Variants in FGF12 observed in about 807,000 individuals in gnomAD.
The protein encoded by FGF12 is fibroblast growth factor 12B.
Under a neutral mutation model 23.6 loss-of-function variants are expected in FGF12, and 14 were observed. The ratio of observed to expected loss-of-function variants is 0.59; its 90% CI spans 0.39 to 0.93. The LOEUF (loss-of-function observed/expected upper bound fraction) is 0.93. Among genes scored for constraint, FGF12 ranks in the 40% least tolerant of loss-of-function variants. FGF12 has a pLI of 0.00. For missense variants in FGF12, 175 were observed against 217.8 expected, an observed-to-expected ratio of 0.80 and a Z score of 1.24; for synonymous variants, 62 against 77.3, an observed-to-expected ratio of 0.80 and a Z score of 1.04.
intron 2 of FGF12, among the ~76,000 whole-genome samples, chr3:192,380,547 C>T (rs560563940): frequency 6.6e-6 from 1 of 152,194 alleles, no homozygotes; most frequent in South Asian, 2.1e-4. Context: ...ATGCTCTACA[C>T]CATAAAACAC....
Position 192,215,321 on chromosome 3 carries a change from G to C in FGF12, c.229-44665C>G, listed in dbSNP as rs541699644. On this transcript the variant is annotated intron_variant, in intron 4 of 5. Coordinates refer to ENST00000445105, the MANE Select transcript of FGF12 (RefSeq NM_004113.6). The stretch of plus-strand genomic sequence containing the variant: ...CTGAGCCAATGAAGAAGGGAGAGAG[G>C]AGAAATACTTGGTACTCATCACCCA... Among the ~76,000 whole-genome samples, 4 of 152,246 alleles carry C rather than the reference G, an allele frequency of 2.6e-5. No individual in the cohort carries two copies. The South Asian group carries it at 8.3e-4, about 32-fold the overall frequency.
At chr3:192,195,249 C>T (rs913136693) in intron 4 of FGF12, among the ~76,000 whole-genome samples, 1 of 152,096 alleles carries the variant, frequency 6.6e-6, no homozygotes, top group African/African-American at 2.4e-5. Flanking sequence ...AAAGTCGTTA[C>T]CATTTAAATG....
intron 2 of FGF12, among the ~76,000 whole-genome samples, chr3:192,646,293 G>A (rs1048326495): frequency 3.9e-5 from 6 of 152,158 alleles, no homozygotes; most frequent in Middle Eastern, 6.8e-3. Flanking sequence ...GGGAAGTAAA[G>A]CCTACAAAAG....
intron 2 of FGF12, among the ~76,000 whole-genome samples, chr3:192,519,810 A>G (rs1724771566): frequency 6.6e-6 from 1 of 152,250 alleles, no homozygotes; most frequent in South Asian, 2.1e-4. Context: ...CCTCAAGGAT[A>G]TTTATTCTAA....
intron 4 of FGF12, among the ~76,000 whole-genome samples, chr3:192,204,678 G>A (rs1452787202): frequency 6.6e-6 from 1 of 152,080 alleles, no homozygotes; most frequent in Admixed American, 6.6e-5. Flanking sequence ...TTGAGGTCAG[G>A]AGTTTGAGAC....
intron 4 of FGF12, among the ~76,000 whole-genome samples, chr3:192,227,682 A>G (rs1309589491): frequency 1.3e-5 from 2 of 152,032 alleles, no homozygotes; most frequent in Admixed American, 1.3e-4. Flanking sequence ...GGAAAAATTG[A>G]CTGAAAGTCA....
At chr3:192,170,073 A>T (rs1457677783) in intron 5 of FGF12, among the ~76,000 whole-genome samples, 2 of 146,002 alleles carry the variant, frequency 1.4e-5, no homozygotes, top group Admixed American at 7.0e-5. Context: ...TACTTTCAAA[A>T]TTTTTCCGGC....
rs57914760 is a variant in FGF12, at chr3:192,484,315, TAAA to T, written c.14-123780_14-123778del. 9.0e-3 allele frequency among the ~76,000 whole-genome samples: 897 copies of T among 99,602 alleles called. 9 individuals are homozygous for T. Among genetic ancestry groups the T allele is most frequent in the African/African-American group, 0.023 (766 of 33,790 alleles). The allele number at this position is 99,602 out of a possible 152,430, so 65.3% of individuals were successfully genotyped here. On this transcript the variant is annotated intron_variant, in intron 2 of 5. Coordinates refer to ENST00000445105, the MANE Select transcript of FGF12 (RefSeq NM_004113.6). ...TCCAATAGAGATCCTTCCATTTTCCTAAAAAAAAAAAAAAAAAAAAAAAGAACA... is the reference window on the plus strand; with the variant it reads ...TCCAATAGAGATCCTTCCATTTTCCTAAAAAAAAAAAAAAAAAAAAGAACA...
intron 2 of FGF12, among the ~76,000 whole-genome samples, chr3:192,669,831 A>C (rs530627926): frequency 6.6e-6 from 1 of 152,286 alleles, no homozygotes; most frequent in South Asian, 2.1e-4. Flanking sequence ...AAAGAGCTGC[A>C]TGACTCAGTG....
rs995204149 is a variant in FGF12 at position 192,408,862 on chromosome 3, G to A, written c.14-48324C>T. ...GGCCCGCGGTTCTGAAGATTAGGAG[G>A]TCCGTCCCAGCAGGGTGAGGTCTAC... is the stretch of plus-strand genomic sequence containing the variant. On this transcript the variant is annotated intron_variant, in intron 2 of 5. Transcript: ENST00000445105. This position sits in a 1 kb window ranked among gnomAD's most constrained non-coding sequence, Gnocchi z 7.3. The A allele has an allele frequency of 5.4e-5, 53 of 985,360 alleles. No individual in the cohort carries two copies. Among genetic ancestry groups the A allele is most frequent in the Non-Finnish European group, 6.1e-5 (51 of 830,014 alleles). The allele number at this position is 985,360 out of a possible 1,614,324, so 61.0% of individuals were successfully genotyped here. A position where few individuals can be genotyped will look rare whatever the true frequency, so the allele number is the denominator to read the frequency against.
intron 2 of FGF12, among the ~76,000 whole-genome samples, chr3:192,646,523 CTGT>C (rs1716011845): frequency 6.6e-6 from 1 of 152,104 alleles, no homozygotes; most frequent in Non-Finnish European, 1.5e-5. Context: ...TAAGAGAATA[CTGT>C]TTAGGTATGC....
intron 2 of FGF12, among the ~76,000 whole-genome samples, chr3:192,592,402 G>A (rs368114149): frequency 2.0e-5 from 3 of 151,774 alleles, no homozygotes; most frequent in East Asian, 1.9e-4. Context: ...CCCTTTCACG[G>A]GTCCTGGTAA....
Position 192,271,390 on chromosome 3 carries a change from A to C in FGF12, c.228+63971T>G, listed in dbSNP as rs141977230. 7.9e-3 allele frequency among the ~76,000 whole-genome samples: 1,207 copies of C among 152,300 alleles called. 11 individuals are homozygous for C. Among genetic ancestry groups the C allele is most frequent in the Non-Finnish European group, 0.012 (795 of 68,008 alleles). On this transcript the variant is annotated intron_variant, in intron 4 of 5. Coordinates refer to ENST00000445105, the MANE Select transcript of FGF12 (RefSeq NM_004113.6). ...GTCAACCAGAACTATTGTGAATCTGATTCTCAGCCCATTTGCTGGAAGTTA... is the reference window on the plus strand; with the variant it reads ...GTCAACCAGAACTATTGTGAATCTGCTTCTCAGCCCATTTGCTGGAAGTTA...
At chr3:192,380,294 C>G (rs947422032) in intron 2 of FGF12, among the ~76,000 whole-genome samples, 3 of 152,104 alleles carry the variant, frequency 2.0e-5, no homozygotes, top group African/African-American at 7.2e-5. Context: ...GGACTGGTGT[C>G]TTCTTAAAAT....
intron 2 of FGF12, among the ~76,000 whole-genome samples, chr3:192,490,713 T>C (rs80249389): frequency 0.062 from 9,444 of 152,070 alleles, 1,012 homozygotes; most frequent in African/African-American, 0.22. Context: ...AATGAACAAA[T>C]TGCAACTATA....
At chr3:192,461,426 A>C (rs1722857650) in intron 2 of FGF12, among the ~76,000 whole-genome samples, 1 of 152,358 alleles carries the variant, frequency 6.6e-6, no homozygotes, top group Non-Finnish European at 1.5e-5. Flanking sequence ...AATACCCTAA[A>C]GTAAGAGAAG....
At chr3:192,633,556 GTATATTCAACCCT>G (rs1447980884) in intron 2 of FGF12, among the ~76,000 whole-genome samples, 1 of 152,030 alleles carries the variant, frequency 6.6e-6, no homozygotes, top group African/African-American at 2.4e-5. Flanking sequence ...CACAACAAAA[GTATATTCAACCCT>G]TATCCAATTC....
At position 192,688,825 on chromosome 3, in the gene FGF12, C is replaced by T. The variant is rs74756893; in HGVS notation, c.13+38356G>A. Among the ~76,000 whole-genome samples the T allele has an allele frequency of 5.2e-3, 785 of 152,156 alleles. 3 individuals are homozygous for T. Among genetic ancestry groups the T allele is most frequent in the African/African-American group, 0.018 (748 of 41,520 alleles). ...GCAGCAGTATTCACAATAGCAAAAACATGGAATCAACCTAAAAATTCATCA... is the reference window on the plus strand; with the variant it reads ...GCAGCAGTATTCACAATAGCAAAAATATGGAATCAACCTAAAAATTCATCA... On this transcript the variant is annotated intron_variant, in intron 2 of 5. Transcript: ENST00000445105.
intron 2 of FGF12, among the ~76,000 whole-genome samples, chr3:192,441,545 T>C (rs1722201013): frequency 6.6e-6 from 1 of 152,170 alleles, no homozygotes; most frequent in African/African-American, 2.4e-5. Flanking sequence ...AGAAAGAACC[T>C]CTTTACTCAA....
Sources: gnomAD v4.1 joint callset for allele counts (sites outside exome capture counted in the v4.1 genomes callset) on GRCh38, gnomAD v4.1.1 for gene constraint, Gnocchi (gnomAD v3.1) non-coding constraint, MANE v1.5 for transcripts, NCBI Gene and HGNC (gene_info 2026-07-23, HGNC 2026-07-21) for gene names.